The following CNTNAP2 variants were observed in gnomAD, a reference collection of about 807,000 sequenced individuals.
The protein encoded by CNTNAP2 is contactin associated protein 2.
In CNTNAP2, 98 loss-of-function variants were observed where a neutral mutation model predicts 155.2. The ratio of observed to expected loss-of-function variants is 0.63; its 90% CI spans 0.54 to 0.75. The LOEUF is 0.75. CNTNAP2 is among the 30% of genes least tolerant of loss of function. The pLI, the probability that CNTNAP2 is intolerant of heterozygous loss-of-function variation, is 0.00. For synonymous variants in CNTNAP2, 651 were observed against 631.2 expected (o/e 1.03, Z -0.47); for missense variants, 1,727 against 1,688.1 (o/e 1.02, Z -0.40).
chr7:147,752,096 T>G (rs953995478), intron 13 of CNTNAP2, among the ~76,000 whole-genome samples: 2 of 152,224 alleles, frequency 1.3e-5, no homozygotes, highest in African/African-American at 4.8e-5. Context: ...AATATAAAAT[T>G]ACTTATCTAA....
intron 8 of CNTNAP2, among the ~76,000 whole-genome samples, chr7:147,291,988 T>A (rs1805323905): frequency 6.6e-6 from 1 of 152,178 alleles, no homozygotes; most frequent in African/African-American, 2.4e-5. Context: ...TTTTAGTATA[T>A]TCTGTTTTAA....
intron 1 of CNTNAP2, among the ~76,000 whole-genome samples, chr7:146,513,309 A>C (rs976880057): frequency 6.6e-6 from 1 of 151,878 alleles, no homozygotes; most frequent in African/African-American, 2.4e-5. Flanking sequence ...GTTACTTTTT[A>C]TAGGTAAGGA....
intron 1 of CNTNAP2, among the ~76,000 whole-genome samples, chr7:146,740,808 T>G (rs1801698905): frequency 6.7e-6 from 1 of 149,852 alleles, no homozygotes; most frequent in Non-Finnish European, 1.5e-5. Flanking sequence ...CCACAGCCTC[T>G]GAGAATTGCT....
intron 1 of CNTNAP2, among the ~76,000 whole-genome samples, chr7:146,426,218 T>G (rs1246212963): frequency 7.7e-6 from 1 of 130,416 alleles, no homozygotes; most frequent in African/African-American, 3.6e-5. Flanking sequence ...AAATTAAAAC[T>G]TAAGGAACTG....
At chr7:147,751,287 T>C (rs1427983884) in intron 13 of CNTNAP2, among the ~76,000 whole-genome samples, 1 of 151,306 alleles carries the variant, frequency 6.6e-6, no homozygotes, top group Admixed American at 6.6e-5. Context: ...TAGTTGCTAG[T>C]AGGTGGTTTT....
At chr7:147,220,090 G>T (rs1171710374) in intron 8 of CNTNAP2, among the ~76,000 whole-genome samples, 5 of 151,836 alleles carry the variant, frequency 3.3e-5, no homozygotes, top group Admixed American at 6.6e-5. Context: ...CACCCGGCAG[G>T]CTGCATCACT....
intron 1 of CNTNAP2, among the ~76,000 whole-genome samples, chr7:146,761,333 GGA>G (rs1563220039): frequency 4.9e-4 from 68 of 139,800 alleles, no homozygotes; most frequent in Non-Finnish European, 8.3e-4. Context: ...AAGGAAGGAA[GGA>G]AAATAGGAAA....
chr7:148,074,296 A>G (rs900139842), intron 15 of CNTNAP2, among the ~76,000 whole-genome samples: 15 of 152,288 alleles, frequency 9.8e-5, no homozygotes, highest in Non-Finnish European at 1.5e-4. Context: ...TGCACCTGAC[A>G]GTGGACTACA....
At chr7:147,442,137 G>C (rs916030993) in intron 10 of CNTNAP2, among the ~76,000 whole-genome samples, 2 of 152,156 alleles carry the variant, frequency 1.3e-5, no homozygotes, top group African/African-American at 4.8e-5. Context: ...TGTGCTGTCT[G>C]TGAGCCAGGG....
chr7:146,221,360 G>A (rs915385522), intron 1 of CNTNAP2, among the ~76,000 whole-genome samples: 6 of 143,180 alleles, frequency 4.2e-5, no homozygotes, highest in Admixed American at 2.7e-4. Context: ...ATAAATATAC[G>A]TTTAAATATA....
intron 23 of CNTNAP2, among the ~76,000 whole-genome samples, chr7:148,414,179 C>T (rs187512587): frequency 7.7e-5 from 11 of 142,152 alleles, no homozygotes; most frequent in Admixed American, 7.0e-4. Context: ...CAGGTTCAAG[C>T]GATTCTCACG....
intron 13 of CNTNAP2, among the ~76,000 whole-genome samples, chr7:147,711,986 G>T (rs1452015083): frequency 6.6e-6 from 1 of 152,138 alleles, no homozygotes; most frequent in Non-Finnish European, 1.5e-5. Flanking sequence ...TGAAAATTAA[G>T]ATCCTCCACA....
At chr7:147,576,235 A>G (rs1392433583) in intron 12 of CNTNAP2, among the ~76,000 whole-genome samples, 2 of 152,096 alleles carry the variant, frequency 1.3e-5, no homozygotes, top group Non-Finnish European at 2.9e-5. Context: ...ACTGCTGTGA[A>G]TAGACCTCAC....
At chr7:146,203,178 G>T (rs1327131062) in intron 1 of CNTNAP2, among the ~76,000 whole-genome samples, 3 of 152,176 alleles carry the variant, frequency 2.0e-5, no homozygotes, top group East Asian at 3.9e-4. Context: ...GACACAGGTT[G>T]AGTGTCCTCT....
At chr7:147,665,445 A>G (rs772235354) in intron 13 of CNTNAP2, among the ~76,000 whole-genome samples, 5 of 152,170 alleles carry the variant, frequency 3.3e-5, no homozygotes, top group South Asian at 2.1e-4. Flanking sequence ...TGTGGTGAAT[A>G]TATATTCTTT....
intron 1 of CNTNAP2, among the ~76,000 whole-genome samples, chr7:146,299,347 G>A (rs963256357): frequency 2.0e-5 from 3 of 151,976 alleles, no homozygotes; most frequent in Admixed American, 6.6e-5. Context: ...CAATTATATG[G>A]TAGTTATTAT....
intron 11 of CNTNAP2, among the ~76,000 whole-genome samples, chr7:147,546,670 T>A (rs1438153596): frequency 6.6e-6 from 1 of 152,160 alleles, no homozygotes; most frequent in Non-Finnish European, 1.5e-5. Context: ...GTGAAGCCAG[T>A]GTACAGGGAA....
intron 1 of CNTNAP2, among the ~76,000 whole-genome samples, chr7:146,506,102 G>A (rs1412602793): frequency 6.6e-6 from 1 of 152,166 alleles, no homozygotes; most frequent in Admixed American, 6.5e-5. Context: ...ACAGTCAGGG[G>A]ATGACTGTAT....
chr7:147,989,668 G>A (rs1270157516), intron 15 of CNTNAP2, among the ~76,000 whole-genome samples: 1 of 152,162 alleles, frequency 6.6e-6, no homozygotes, highest in African/African-American at 2.4e-5. Context: ...CTAATTTGGA[G>A]GTGCTGGCCA....
Sources: allele counts gnomAD v4.1 joint callset (sites outside exome capture counted in the v4.1 genomes callset), GRCh38; gene constraint gnomAD v4.1.1; transcripts MANE v1.5; gene names NCBI Gene and HGNC (gene_info 2026-07-23, HGNC 2026-07-21).